Variants in MGAT4C observed in about 807,000 individuals in gnomAD.
MGAT4C encodes MGAT4 family member C, also known as alpha-1,3-mannosyl-glycoprotein 4-beta-N-acetylglucosaminyltransferase C.
In MGAT4C, 19 loss-of-function variants were observed where a neutral mutation model predicts 40.1. The ratio of observed to expected loss-of-function variants is 0.47; its 90% CI spans 0.33 to 0.70. The LOEUF (loss-of-function observed/expected upper bound fraction) is 0.70, where lower values mean the gene tolerates loss of function less well. Among genes scored for constraint, MGAT4C ranks in the 30% least tolerant of loss-of-function variants. The pLI is 0.02. For missense variants in MGAT4C, 491 were observed against 563.2 expected (o/e 0.87, Z 1.30); for synonymous variants, 181 against 187.1 (o/e 0.97, Z 0.27).
chr12:86,224,697 C>T (rs999809531), intron 1 of MGAT4C, among the ~76,000 whole-genome samples: 1 of 152,090 alleles, frequency 6.6e-6, no homozygotes, highest in Non-Finnish European at 1.5e-5. Flanking sequence ...TGCTCTTGAA[C>T]AATCACTGGG....
intron 2 of MGAT4C, among the ~76,000 whole-genome samples, chr12:86,507,335 T>C (rs915699766): frequency 2.1e-4 from 32 of 152,196 alleles, no homozygotes; most frequent in African/African-American, 7.2e-4. Flanking sequence ...ATGTTTTCCA[T>C]TCCACTAATA....
rs777587242 is a variant in MGAT4C at position 85,980,402 on chromosome 12, T to C, written c.324A>G (p.Val108=). 3.2e-5 allele frequency: 51 copies of C among 1,604,550 alleles called. No individual in the cohort carries two copies. The highest frequency in any genetic ancestry group is 3.7e-5 in the Non-Finnish European group (43 of 1,175,872). The change falls in exon 5 of 5, where the codon GTA becomes GTG. Residue 108 remains valine, a synonymous_variant. Transcript: ENST00000611864. ...GTAAATAGTTTCCTTTTTTTCGCTT[T>C]ACTGAAGAAAGTCCAATTGTAAGAT... ...KRYLTIGLSS[V]KRKKGNYLLE...
In MGAT4C at chr12:86,638,723, G is replaced by T. The variant is rs80056905; in HGVS notation, c.-229+88486C>A. On this transcript the variant is annotated intron_variant, in intron 2 of 7. Coordinates refer to the MGAT4C transcript ENST00000548651. ...AAGAAATCTGACTATAGAAGCCAAAGGTGAGCATGAACAATATTTTATTAT... is the reference window on the plus strand; with the variant it reads ...AAGAAATCTGACTATAGAAGCCAAATGTGAGCATGAACAATATTTTATTAT... 4.1e-3 allele frequency among the ~76,000 whole-genome samples: 615 copies of T among 151,784 alleles called. 5 individuals carry two copies. Among genetic ancestry groups the T allele is most frequent in the African/African-American group, 0.014 (597 of 41,444 alleles).
At chr12:86,732,867 C>T (rs1950932934) in intron 1 of MGAT4C, among the ~76,000 whole-genome samples, 1 of 150,088 alleles carries the variant, frequency 6.7e-6, no homozygotes, top group African/African-American at 2.4e-5. Context: ...ATTAACCATT[C>T]AGCCATACTG....
rs186581939 is a variant in MGAT4C, at chr12:86,517,395, C to A, written c.-228-82130G>T. Among the ~76,000 whole-genome samples, 174 of 151,928 alleles carry A rather than the reference C, an allele frequency of 1.1e-3. 1 individual carries two copies. The highest frequency in any genetic ancestry group is 2.0e-3 in the Non-Finnish European group (138 of 67,952). On this transcript the variant is annotated intron_variant, in intron 2 of 7. Transcript: ENST00000548651. Reference sequence around the variant, plus strand: ...ATAAAGTTAGAACTATTAAAACTTTCAGAAAAAAATACAAAAAAAAATATT... The same window carrying A: ...ATAAAGTTAGAACTATTAAAACTTTAAGAAAAAAATACAAAAAAAAATATT...
chr12:86,681,903 T>C (rs915413064), intron 2 of MGAT4C, among the ~76,000 whole-genome samples: 8 of 152,022 alleles, frequency 5.3e-5, no homozygotes, highest in Non-Finnish European at 1.0e-4. Context: ...CAAAAATGAC[T>C]TGAAACCCAG....
chr12:86,764,449 A>C (rs1951465866), intron 1 of MGAT4C, among the ~76,000 whole-genome samples: 1 of 151,926 alleles, frequency 6.6e-6, no homozygotes, highest in Admixed American at 6.5e-5. Context: ...ACAGACAAAC[A>C]AAAAGACAGC....
intron 1 of MGAT4C, among the ~76,000 whole-genome samples, chr12:86,117,028 G>T (rs1215028540): frequency 6.6e-6 from 1 of 152,010 alleles, no homozygotes; most frequent in Non-Finnish European, 1.5e-5. Flanking sequence ...AGGGTTCTGA[G>T]ACGCTATATT....
At chr12:85,991,866 G>C (rs1400730070) in intron 2 of MGAT4C, among the ~76,000 whole-genome samples, 1 of 152,186 alleles carries the variant, frequency 6.6e-6, no homozygotes, top group Non-Finnish European at 1.5e-5. Context: ...TCTAGCAGCA[G>C]AGTTTCCAGG....
chr12:86,272,670 G>A (rs1034410988), intron 4 of MGAT4C, among the ~76,000 whole-genome samples: 4 of 152,024 alleles, frequency 2.6e-5, no homozygotes, highest in African/African-American at 9.7e-5. Context: ...GGGTAACATG[G>A]TGAATCCCCA....
chr12:86,175,732 A>T (rs933890740), intron 1 of MGAT4C, among the ~76,000 whole-genome samples: 6 of 148,402 alleles, frequency 4.0e-5, no homozygotes, highest in Non-Finnish European at 1.5e-5. Context: ...CGGGCGGATC[A>T]CGAGGTTAGG....
chr12:86,686,091 G>A (rs1162761051), intron 2 of MGAT4C, among the ~76,000 whole-genome samples: 1 of 151,738 alleles, frequency 6.6e-6, no homozygotes, highest in South Asian at 2.1e-4. Context: ...GTGTTAGTCA[G>A]GATGGTCTCG....
intron 1 of MGAT4C, among the ~76,000 whole-genome samples, chr12:86,157,338 T>C (rs1885074368): frequency 6.6e-6 from 1 of 152,136 alleles, no homozygotes; most frequent in Non-Finnish European, 1.5e-5. Flanking sequence ...CCATATGGAA[T>C]TTAAAACATA....
intron 2 of MGAT4C, chr12:86,011,802 T>C (rs1888489342): frequency 1.0e-6 from 1 of 982,636 alleles, no homozygotes; most frequent in South Asian, 4.7e-5. Context: ...AAACTCACCA[T>C]CCTTTACCAG....
At chr12:86,743,181 A>G (rs1380630620) in intron 1 of MGAT4C, among the ~76,000 whole-genome samples, 3 of 135,328 alleles carry the variant, frequency 2.2e-5, no homozygotes, top group African/African-American at 8.3e-5. Flanking sequence ...GTCTCAGGTT[A>G]CTCTCTGGCT....
At chr12:86,255,703 T>C (rs1293695416) in intron 1 of MGAT4C, among the ~76,000 whole-genome samples, 2 of 152,150 alleles carry the variant, frequency 1.3e-5, no homozygotes, top group African/African-American at 4.8e-5. Flanking sequence ...TAAATATGAA[T>C]GTAAAGTCCT....
chr12:86,799,831 G>A (rs1159471161), intron 1 of MGAT4C, among the ~76,000 whole-genome samples: 2 of 151,804 alleles, frequency 1.3e-5, no homozygotes, highest in African/African-American at 4.8e-5. Flanking sequence ...ACTATATATT[G>A]CCTGTAGATA....
rs546224477 is a variant in MGAT4C at position 86,164,771 on chromosome 12, G to A, written c.-57+91468C>T. On this transcript the variant is annotated intron_variant, in intron 1 of 4. Coordinates refer to ENST00000611864, the MANE Select transcript of MGAT4C (RefSeq NM_001351288.2). ...AATGCTACTGTTGCAGAGTGTGAGG[G>A]TGAGACAAGTTATGTTGCTAGAGAG... Among the ~76,000 whole-genome samples the A allele has an allele frequency of 7.2e-5, 11 of 152,272 alleles. No homozygotes were observed. In the East Asian group the frequency reaches 2.1e-3, roughly 29 times the overall value.
chr12:86,315,817 A>G (rs756230276), intron 4 of MGAT4C, among the ~76,000 whole-genome samples: 3 of 152,090 alleles, frequency 2.0e-5, no homozygotes, highest in Non-Finnish European at 2.9e-5. Flanking sequence ...AAAGCAATGT[A>G]GCAAAAACGA....
Sources: gnomAD v4.1 joint callset for allele counts (sites outside exome capture counted in the v4.1 genomes callset) on GRCh38, gnomAD v4.1.1 for gene constraint, MANE v1.5 for transcripts, NCBI Gene and HGNC (gene_info 2026-07-23, HGNC 2026-07-21) for gene names.